Variants in PTPRD observed in about 807,000 individuals in gnomAD.
PTPRD encodes the protein receptor-type tyrosine-protein phosphatase delta.
PTPRD carries 34 observed loss-of-function variants against 214.5 expected under a neutral mutation model. That is an observed-to-expected ratio of 0.16 (90% confidence interval 0.12 to 0.21). The LOEUF (loss-of-function observed/expected upper bound fraction) is 0.21, where lower values mean the gene tolerates loss of function less well. Among genes scored for constraint, PTPRD ranks in the 10% least tolerant of loss-of-function variants. PTPRD has a pLI of 1.00. For synonymous variants in PTPRD, 1,128 were observed against 845.7 expected (o/e 1.33, Z -5.79); for missense variants, 2,545 against 2,398.7 (o/e 1.06, Z -1.27).
At chr9:10,607,957 T>C (rs914676620) in intron 2 of PTPRD, among the ~76,000 whole-genome samples, 13 of 151,948 alleles carry the variant, frequency 8.6e-5, no homozygotes, top group African/African-American at 2.9e-4. Context: ...CAATATAGCA[T>C]GTGAGATGGT....
intron 9 of PTPRD, among the ~76,000 whole-genome samples, chr9:9,274,853 A>G (rs1441353396): frequency 1.3e-5 from 2 of 149,326 alleles, no homozygotes; most frequent in African/African-American, 2.5e-5. Context: ...AGATATTCAT[A>G]TAGGTTTAGA....
intron 3 of PTPRD, among the ~76,000 whole-genome samples, chr9:10,273,222 A>T (rs1216188164): frequency 6.6e-6 from 1 of 152,102 alleles, no homozygotes; most frequent in Non-Finnish European, 1.5e-5. Context: ...TTTAGACCAA[A>T]TATAGTTCTA....
intron 3 of PTPRD, among the ~76,000 whole-genome samples, chr9:10,110,208 C>T (rs2098678073): frequency 1.3e-5 from 2 of 152,300 alleles, no homozygotes; most frequent in South Asian, 4.1e-4. Flanking sequence ...CTTTCATCTA[C>T]AGCACTAAAT....
intron 8 of PTPRD, among the ~76,000 whole-genome samples, chr9:9,522,595 G>T (rs1235937712): frequency 6.6e-6 from 1 of 152,064 alleles, no homozygotes; most frequent in Non-Finnish European, 1.5e-5. Flanking sequence ...CAGTACCTGA[G>T]AAACAAGAAA....
chr9:8,521,013 T>C (rs150589826), intron 20 of PTPRD, among the ~76,000 whole-genome samples: 2 of 152,294 alleles, frequency 1.3e-5, no homozygotes, highest in Non-Finnish European at 2.9e-5. Context: ...CCTAGTTCTG[T>C]CTGGTTAGTG....
chr9:9,375,731 G>T (rs1372955859), intron 9 of PTPRD, among the ~76,000 whole-genome samples: 1 of 152,170 alleles, frequency 6.6e-6, no homozygotes, highest in Non-Finnish European at 1.5e-5. Context: ...CCACTCACAT[G>T]AGGTATCTGG....
intron 5 of PTPRD, among the ~76,000 whole-genome samples, chr9:9,815,774 T>C (rs1598602096): frequency 6.6e-6 from 1 of 152,140 alleles, no homozygotes; most frequent in African/African-American, 2.4e-5. Context: ...TGAGAGTATG[T>C]TGGTCAAAGA....
intron 2 of PTPRD, among the ~76,000 whole-genome samples, chr9:10,424,319 C>A (rs191884344): frequency 1.6e-4 from 22 of 139,706 alleles, no homozygotes; most frequent in African/African-American, 6.8e-4. Flanking sequence ...CCTTTTCTCT[C>A]TCTCTCTCTC....
chr9:9,937,653 C>G (rs906133489), intron 5 of PTPRD, among the ~76,000 whole-genome samples: 7 of 152,170 alleles, frequency 4.6e-5, no homozygotes, highest in African/African-American at 1.4e-4. Flanking sequence ...TTACATGTTT[C>G]TTGTATCTAT....
chr9:10,069,313 G>A (rs1271835254), intron 3 of PTPRD, among the ~76,000 whole-genome samples: 1 of 151,968 alleles, frequency 6.6e-6, no homozygotes, highest in Non-Finnish European at 1.5e-5. Context: ...ACAAGAAGTT[G>A]TTCCCTTTGT....
At chr9:10,602,421 T>G (rs1391114482) in intron 2 of PTPRD, among the ~76,000 whole-genome samples, 1 of 151,592 alleles carries the variant, frequency 6.6e-6, no homozygotes, top group Non-Finnish European at 1.5e-5. Flanking sequence ...ATTCAACTTT[T>G]TAAAAAAATT....
intron 5 of PTPRD, among the ~76,000 whole-genome samples, chr9:9,926,145 T>C (rs1340328139): frequency 1.3e-5 from 2 of 152,132 alleles, no homozygotes; most frequent in East Asian, 3.9e-4. Flanking sequence ...CTCTTATACG[T>C]TCCAGGCTTG....
chr9:9,286,215 C>T (rs563804298), intron 9 of PTPRD, among the ~76,000 whole-genome samples: 2 of 151,812 alleles, frequency 1.3e-5, no homozygotes, highest in East Asian at 3.9e-4. Context: ...GTTTCCTTAC[C>T]ATCTCCATTG....
At chr9:10,521,002 G>C (rs147931015) in intron 2 of PTPRD, among the ~76,000 whole-genome samples, 92 of 151,650 alleles carry the variant, frequency 6.1e-4, no homozygotes, top group African/African-American at 2.1e-3. Flanking sequence ...ATGGATCAAG[G>C]AGTAAATTTT....
chr9:10,580,035 C>T (rs543144309), intron 2 of PTPRD, among the ~76,000 whole-genome samples: 2 of 152,172 alleles, frequency 1.3e-5, no homozygotes, highest in East Asian at 3.9e-4. Flanking sequence ...TGTATAGAAA[C>T]CTGAACATTA....
intron 7 of PTPRD, among the ~76,000 whole-genome samples, chr9:9,664,088 T>TAAAAAAAAAAAAAAAAAAAAAAAAA (rs71319290): frequency 8.7e-6 from 1 of 114,536 alleles, no homozygotes; most frequent in African/African-American, 3.3e-5. Context: ...CACTCCTGTG[T>TAAAAAAAAAAAAAAAAAAAAAAAAA]AAAAAAAAAA....
chr9:8,877,814 T>C (rs12000930), intron 11 of PTPRD, among the ~76,000 whole-genome samples: 21,204 of 152,132 alleles, frequency 0.14, 1,813 homozygotes, highest in East Asian at 0.28. Context: ...TTAAACACTA[T>C]AAACAAGTGT....
intron 9 of PTPRD, among the ~76,000 whole-genome samples, chr9:9,215,909 C>G (rs2099951883): frequency 6.6e-6 from 1 of 152,134 alleles, no homozygotes; most frequent in African/African-American, 2.4e-5. Flanking sequence ...AGTAAATGGA[C>G]AAGTACTGTA....
chr9:9,351,742 C>T (rs1192539069), intron 9 of PTPRD, among the ~76,000 whole-genome samples: 1 of 151,924 alleles, frequency 6.6e-6, no homozygotes. Flanking sequence ...TATGTCTGTG[C>T]CAAAGATTAT....
Sources: gnomAD v4.1 joint callset for allele counts (sites outside exome capture counted in the v4.1 genomes callset) on GRCh38, gnomAD v4.1.1 for gene constraint, MANE v1.5 for transcripts, NCBI Gene and HGNC (gene_info 2026-07-23, HGNC 2026-07-21) for gene names.